Variants in SSX5 observed in about 807,000 individuals in gnomAD.
SSX5 encodes the protein SSX family member 5.
SSX5 carries 14 observed loss-of-function variants against 14.9 expected under a neutral mutation model. That is an observed-to-expected ratio of 0.94 (90% CI 0.62 to 1.47). The LOEUF is 1.47. Among genes scored for constraint, SSX5 ranks in the 40% most tolerant of loss-of-function variants. SSX5 has a pLI of 0.00. For synonymous variants in SSX5, 70 were observed against 55.4 expected (o/e 1.26, Z -1.17); for missense variants, 204 against 154.6 (o/e 1.32, Z -1.70).
intron 1 of SSX5, among the ~76,000 whole-genome samples, chrX:48,196,374 T>G (rs1253656234): frequency 1.9e-5 from 2 of 106,876 alleles, no homozygotes; most frequent in Non-Finnish European, 3.9e-5. Context: ...AAGATTTGAG[T>G]GAGTTTTTTT....
At chrX:48,189,296 C>G (rs2059411002) in intron 6 of SSX5, among the ~76,000 whole-genome samples, 1 of 112,424 alleles carries the variant, frequency 8.9e-6, no homozygotes, top group Non-Finnish European at 1.9e-5. Flanking sequence ...TTGACTTCAA[C>G]TTTGAAAGAA....
intron 1 of SSX5, 48 bp downstream of exon 1, chrX:48,196,683 G>A (rs1556925888): frequency 9.0e-6 from 1 of 111,288 alleles, no homozygotes; most frequent in East Asian, 2.8e-4. Context: ...CACCACGGAG[G>A]AGGGGAGGGG....
rs1556923800 is a variant in SSX5 at position 48,186,606 on chromosome X, A to C, written c.*255T>G. The C allele has an allele frequency of 2.0e-6, 1 of 508,952 alleles. No individual in the cohort carries two copies. The highest frequency in any genetic ancestry group is 3.7e-5 in the East Asian group (1 of 27,217). The allele number at this position is 508,952 out of a possible 1,213,427, so 41.9% of individuals were successfully genotyped here. The stretch of plus-strand genomic sequence containing the variant: ...CATGGATACACAAACTGAAATATGC[A>C]TTAAGTATGTCTTGCTCATCAGTGA... On this transcript the variant is annotated 3_prime_UTR_variant, in exon 8 of 8. Transcript: ENST00000347757.
At chrX:48,187,412 A>G (rs1379564102) in intron 7 of SSX5, among the ~76,000 whole-genome samples, 2 of 110,935 alleles carry the variant, frequency 1.8e-5, no homozygotes. Context: ...GTGAGCCGAG[A>G]TCATGCCACT....
intron 3 of SSX5, 140 bp downstream of exon 3, chrX:48,194,600 A>C: frequency 3.0e-6 from 2 of 671,240 alleles, no homozygotes. Flanking sequence ...AGAAGAGCAG[A>C]GCACCCAGAA....
chrX:48,192,259 G>A lies in SSX5; in HGVS notation c.303C>T (p.Phe101=), dbSNP rs781928365. ...TCGGGAAGATTCCCTGGAGCCTGCC[G>A]AAAGTCATCTGAGGATGTTCAACTG... ...GNQVEHPQMT[F]GRLQGIFPKI... Residue 101 remains phenylalanine (F), a synonymous_variant, in exon 5 of 8, where the codon TTC becomes TTT. Coordinates refer to ENST00000347757, the MANE Select transcript of SSX5 (RefSeq NM_175723.2). 27 of 1,209,847 alleles carry A rather than the reference G, an allele frequency of 2.2e-5. No individual in the cohort carries two copies. Among genetic ancestry groups the A allele is most frequent in the Middle Eastern group, 4.6e-4 (2 of 4,312 alleles).
chrX:48,192,150 T>C (rs2059422413), intron 5 of SSX5, 82 bp downstream of exon 5: 4 of 1,189,585 alleles, frequency 3.4e-6, no homozygotes, highest in African/African-American at 3.5e-5. Context: ...GAGGGCATTG[T>C]TGATATTCTC....
chrX:48,192,770 C>G lies in SSX5; in HGVS notation c.281-489G>C, dbSNP rs1456419844. On this transcript the variant is annotated intron_variant, in intron 4 of 7. Coordinates refer to ENST00000347757, the MANE Select transcript of SSX5 (RefSeq NM_175723.2). ...GTCAAAAACTTGGCAGATACTCAAG[C>G]ACTGGCTTTTCAGATCTCTTATAGT... is the stretch of plus-strand genomic sequence containing the variant. 3.6e-5 allele frequency among the ~76,000 whole-genome samples: 4 copies of G among 112,275 alleles called. No individual in the cohort carries two copies. The Admixed American group carries it at 3.8e-4, about 11-fold the overall frequency.
chrX:48,191,394 C>A (rs186693357), intron 5 of SSX5, among the ~76,000 whole-genome samples: 3 of 111,991 alleles, frequency 2.7e-5, no homozygotes, highest in African/African-American at 6.5e-5. Context: ...TCCCTTTACC[C>A]TCTAAACCAG....
At chrX:48,187,480 A>G in intron 7 of SSX5, 147 bp downstream of exon 7, 1 of 789,319 alleles carries the variant, frequency 1.3e-6, no homozygotes, top group East Asian at 3.3e-5. Flanking sequence ...AAAACATGGG[A>G]AATTTCATCA....
At chrX:48,194,691 G>A (rs782769786) in intron 3 of SSX5, 49 bp downstream of exon 3, 5 of 1,134,836 alleles carry the variant, frequency 4.4e-6, no homozygotes, top group Non-Finnish European at 5.9e-6. Context: ...AGCTGGAAAA[G>A]GGATGCTCAT....
chrX:48,191,863 A>G (rs1417550803), intron 5 of SSX5, among the ~76,000 whole-genome samples: 2 of 112,078 alleles, frequency 1.8e-5, no homozygotes, highest in Admixed American at 9.5e-5. Context: ...CCATTTCATG[A>G]ACCAGGAATC....
chrX:48,189,491 T>G (rs1251890745), intron 6 of SSX5, among the ~76,000 whole-genome samples: 6 of 112,025 alleles, frequency 5.4e-5, no homozygotes, highest in Non-Finnish European at 1.1e-4. Flanking sequence ...CCAGGCAGGA[T>G]CCTCCACCAG....
chrX:48,189,293 C>G (rs1297903768), intron 6 of SSX5, among the ~76,000 whole-genome samples: 1 of 112,422 alleles, frequency 8.9e-6, no homozygotes, highest in Non-Finnish European at 1.9e-5. Context: ...GCATTGACTT[C>G]AACTTTGAAA....
Position 48,186,780 on chromosome X carries a change from A to G in SSX5, c.*81T>C, listed in dbSNP as rs782422858. The G allele has an allele frequency of 1.7e-4, 209 of 1,194,912 alleles. 1 individual carries two copies. Among genetic ancestry groups the G allele is most frequent in the African/African-American group, 1.1e-3 (65 of 56,987 alleles). ...CTTGCTATACACCTGATGACGAGGG[A>G]TCCGCAGCCATGCCCATGTTCGTGA... On this transcript the variant is annotated 3_prime_UTR_variant, in exon 8 of 8. Coordinates refer to ENST00000347757, the MANE Select transcript of SSX5 (RefSeq NM_175723.2).
At chrX:48,193,832 T>G (rs1443755340) in intron 4 of SSX5, among the ~76,000 whole-genome samples, 43 of 24,133 alleles carry the variant, frequency 1.8e-3, no homozygotes, top group Non-Finnish European at 3.1e-3. Context: ...CTGCCCGCCC[T>G]CCCTCCCTCC....
At chrX:48,194,343 G>A in intron 3 of SSX5, 119 bp from the exon 4 acceptor site, 1 of 781,709 alleles carries the variant, frequency 1.3e-6, no homozygotes, top group Non-Finnish European at 1.9e-6. Flanking sequence ...GAGGCCAGGA[G>A]TTTGAGGCTG....
intron 4 of SSX5, among the ~76,000 whole-genome samples, chrX:48,193,063 C>G (rs782319986): frequency 8.9e-6 from 1 of 111,878 alleles, no homozygotes; most frequent in South Asian, 3.8e-4. Flanking sequence ...AACTCACTCC[C>G]GAGCTCATCA....
chrX:48,191,279 T>G lies in SSX5; in HGVS notation c.330+953A>C, dbSNP rs782533989. On this transcript the variant is annotated intron_variant, in intron 5 of 7. Transcript: ENST00000347757. ...ATGTAAAATAGGCTAAGGGAAGGCC[T>G]CTCTGAGCTTGTAAACACTGTTTAA... Among the ~76,000 whole-genome samples the G allele has an allele frequency of 2.7e-5, 3 of 111,705 alleles. No homozygotes were observed. The East Asian group carries it at 8.4e-4, about 31-fold the overall frequency.
Sources: gnomAD v4.1 joint callset for allele counts (sites outside exome capture counted in the v4.1 genomes callset) on GRCh38, gnomAD v4.1.1 for gene constraint, MANE v1.5 for transcripts, NCBI Gene and HGNC (gene_info 2026-07-23, HGNC 2026-07-21) for gene names.